The following DTL variants were observed in gnomAD, a reference collection of about 807,000 sequenced individuals.
DTL encodes the protein denticleless E3 ubiquitin protein ligase adapter, also known as denticleless protein homolog.
Under a neutral mutation model 87.0 loss-of-function variants are expected in DTL, and 46 were observed. That is an observed-to-expected ratio of 0.53 (90% CI 0.42 to 0.68). The LOEUF (loss-of-function observed/expected upper bound fraction) is 0.68, where lower values mean the gene tolerates loss of function less well. DTL is among the 30% of genes least tolerant of loss of function. The probability of loss-of-function intolerance (pLI) is 0.00; values close to 1 mark genes in which losing one functional copy is unlikely to be tolerated. For missense variants in DTL, 737 were observed against 869.4 expected (o/e 0.85, Z 1.91); for synonymous variants, 308 against 311.2 (o/e 0.99, Z 0.11).
intron 5 of DTL, 106 bp from the exon 6 acceptor site, chr1:212,062,778 A>G (rs1654370444): frequency 1.2e-6 from 1 of 806,972 alleles, no homozygotes; most frequent in Non-Finnish European, 2.1e-6. Flanking sequence ...CCAGTGACAG[A>G]TACAGTACCT....
chr1:212,058,717 A>G (rs560249308), intron 5 of DTL, among the ~76,000 whole-genome samples: 1 of 152,268 alleles, frequency 6.6e-6, no homozygotes, highest in African/African-American at 2.4e-5. Flanking sequence ...TAGAGACTTA[A>G]AAAAACAAGA....
At chr1:212,061,829 GATAA>G in intron 5 of DTL, among the ~76,000 whole-genome samples, 1 of 152,308 alleles carries the variant, frequency 6.6e-6, no homozygotes, top group Non-Finnish European at 1.5e-5. Flanking sequence ...AGAGTAGAAT[GATAA>G]ATAACCAGAG....
chr1:212,048,809 A>T (rs1667878528), intron 5 of DTL, among the ~76,000 whole-genome samples: 1 of 150,406 alleles, frequency 6.6e-6, no homozygotes, highest in African/African-American at 2.5e-5. Flanking sequence ...CTCCTTTATC[A>T]CTAAAAAAAA....
intron 13 of DTL, among the ~76,000 whole-genome samples, chr1:212,089,607 A>G (rs1445858346): frequency 2.0e-5 from 3 of 152,202 alleles, no homozygotes; most frequent in Non-Finnish European, 2.9e-5. Context: ...TCATACTGTT[A>G]TAATGTAGTT....
chr1:212,040,113 C>T (rs777557946), intron 1 of DTL, among the ~76,000 whole-genome samples: 19 of 152,196 alleles, frequency 1.2e-4, no homozygotes, highest in Non-Finnish European at 2.8e-4. Context: ...AAAGCACAGA[C>T]ACATTGTATA....
intron 13 of DTL, among the ~76,000 whole-genome samples, chr1:212,087,650 A>C (rs971058610): frequency 1.3e-5 from 2 of 152,104 alleles, no homozygotes; most frequent in Non-Finnish European, 2.9e-5. Flanking sequence ...TGCTAGGGTT[A>C]CTCTGAAGAG....
intron 13 of DTL, 151 bp downstream of exon 13, chr1:212,080,901 C>A: frequency 1.2e-6 from 1 of 810,854 alleles, no homozygotes; most frequent in Non-Finnish European, 1.9e-6. Flanking sequence ...TAAGTATTTC[C>A]CAAGCACTAC....
At chr1:212,052,592 GC>G (rs1668021878) in intron 5 of DTL, among the ~76,000 whole-genome samples, 1 of 143,014 alleles carries the variant, frequency 7.0e-6, no homozygotes, top group Admixed American at 7.3e-5. Flanking sequence ...AGCTGAGATC[GC>G]ACCACTGCAC....
chr1:212,051,486 T>TA (rs1667977817), intron 5 of DTL: 2 of 260,006 alleles, frequency 7.7e-6, no homozygotes, highest in African/African-American at 3.1e-5. Flanking sequence ...TTTTTTTTTT[T>TA]AGCCCAGAGG....
chr1:212,084,511 G>A (rs1162793981), intron 13 of DTL, among the ~76,000 whole-genome samples: 1 of 151,992 alleles, frequency 6.6e-6, no homozygotes, highest in Non-Finnish European at 1.5e-5. Context: ...CATTAATTTA[G>A]TATTACAGTT....
Position 212,064,907 on chromosome 1 carries a change from T to C in DTL, c.527-10T>C. ...TCCTGAAACCTAAATTTCCTTGGAA[T>C]ATCTTTCAGATGGGTTTTATAGGCA... On this transcript the variant is annotated splice_polypyrimidine_tract_variant and intron_variant, in intron 6 of 14. Transcript: ENST00000366991. The C allele has an allele frequency of 6.2e-7, 1 of 1,606,900 alleles. No homozygotes were observed. Among genetic ancestry groups the C allele is most frequent in the Non-Finnish European group, 8.5e-7 (1 of 1,173,488 alleles).
intron 14 of DTL, among the ~76,000 whole-genome samples, chr1:212,101,470 T>C (rs1275876644): frequency 2.6e-5 from 4 of 152,214 alleles, no homozygotes; most frequent in African/African-American, 9.6e-5. Flanking sequence ...TGTTAGACAG[T>C]ATGCCATCCT....
chr1:212,045,014 A>C (rs1422928006), intron 3 of DTL, among the ~76,000 whole-genome samples: 1 of 152,232 alleles, frequency 6.6e-6, no homozygotes, highest in Non-Finnish European at 1.5e-5. Context: ...TACAGAGGTC[A>C]CATGGCAAGA....
intron 11 of DTL, among the ~76,000 whole-genome samples, chr1:212,072,760 C>CTTTTTTTTTTTT (rs368207666): frequency 2.4e-5 from 3 of 124,770 alleles, no homozygotes; most frequent in Non-Finnish European, 3.3e-5. Flanking sequence ...ATTTACTAAT[C>CTTTTTTTTTTTT]TTTTTTTTTT....
rs1432461372 is a variant in DTL at position 212,044,627 on chromosome 1, C to G, written c.179-33C>G. ...GAAAAAAAAAAAAAAAATTGTGTTA[C>G]TCTATATATTTTTTTCTTTATTTCT... is the stretch of plus-strand genomic sequence containing the variant. On this transcript the variant is annotated intron_variant, in intron 2 of 14. Transcript: ENST00000366991. 2.8e-5 allele frequency: 34 copies of G among 1,226,530 alleles called. No individual in the cohort carries two copies. In the Admixed American group the frequency reaches 4.2e-4, roughly 15 times the overall value. The allele number at this position is 1,226,530 out of a possible 1,614,324, so 76.0% of individuals were successfully genotyped here.
In DTL at chr1:212,104,181, ATTTACTTAGAAGGGAGCCCCC is replaced by A. The variant is rs1302732126; in HGVS notation, c.*1244_*1264del. ...AGGCTTTACATACTTTCTATGTACT[ATTTACTTAGAAGGGAGCCCCC>A]TTCCAGTCATGAAACTTCATTTGTT... is the stretch of plus-strand genomic sequence containing the variant. On this transcript the variant is annotated 3_prime_UTR_variant, in exon 15 of 15. Transcript: ENST00000366991. The A allele has an allele frequency of 1.3e-5, 2 of 151,732 alleles. No individual in the cohort carries two copies. The highest frequency in any genetic ancestry group is 1.3e-4 in the Admixed American group (2 of 15,236). The allele number at this position is 151,732 out of a possible 1,614,324, so 9.4% of individuals were successfully genotyped here.
chr1:212,052,740 A>C (rs2970595), intron 5 of DTL, among the ~76,000 whole-genome samples: 33 of 141,986 alleles, frequency 2.3e-4, no homozygotes, highest in African/African-American at 7.9e-4. Context: ...ATATATATAT[A>C]TTTTTTTTCA....
chr1:212,039,299 G>T (rs994613241), intron 1 of DTL, among the ~76,000 whole-genome samples: 12 of 152,078 alleles, frequency 7.9e-5, no homozygotes, highest in African/African-American at 2.7e-4. Flanking sequence ...GATGAATTTG[G>T]GTGTTTATGG....
At chr1:212,089,384 G>A (rs968948825) in intron 13 of DTL, among the ~76,000 whole-genome samples, 2 of 152,072 alleles carry the variant, frequency 1.3e-5, no homozygotes, top group Non-Finnish European at 2.9e-5. Flanking sequence ...AGAGCAAATG[G>A]CAGAACATGT....
Sources: allele counts gnomAD v4.1 joint callset (sites outside exome capture counted in the v4.1 genomes callset), GRCh38; gene constraint gnomAD v4.1.1; transcripts MANE v1.5; gene names NCBI Gene and HGNC (gene_info 2026-07-23, HGNC 2026-07-21).